Variants in POP1 observed in about 807,000 individuals in gnomAD.
POP1 encodes POP1 ribonuclease P/MRP subunit.
Under a neutral mutation model 102.2 loss-of-function variants are expected in POP1, and 75 were observed. The observed-to-expected ratio is 0.73, with a 90% CI of 0.61 to 0.89. POP1 has a LOEUF of 0.89. Among genes scored for constraint, POP1 ranks in the 40% least tolerant of loss-of-function variants. The pLI is 0.00. For synonymous variants in POP1, 436 were observed against 464.1 expected, an observed-to-expected ratio of 0.94 and a Z score of 0.78; for missense variants, 1,116 against 1,267.4, an observed-to-expected ratio of 0.88 and a Z score of 1.81.
chr8:98,137,075 CTTATTATGCTTATTATCAAAGATTTTG>C (rs1816568935), intron 9 of POP1, 121 bp downstream of exon 9: 2 of 786,514 alleles, frequency 2.5e-6, no homozygotes, highest in Non-Finnish European at 4.2e-6. Flanking sequence ...TATTTCCCTA[CTTATTATGCTTATTATCAAAGATTTTG>C]TTATCTTTCA....
intron 1 of POP1, among the ~76,000 whole-genome samples, chr8:98,119,974 A>G (rs1815965204): frequency 6.6e-6 from 1 of 152,202 alleles, no homozygotes; most frequent in Non-Finnish European, 1.5e-5. Flanking sequence ...ATTTCCTCAT[A>G]TTTTAGTCTG....
In POP1 at chr8:98,119,945, G is replaced by GAGGA. The variant is rs1456937165; in HGVS notation, c.-3+2556_-3+2559dup. The stretch of plus-strand genomic sequence containing the variant: ...CTATATTCATTCCCTTCTGCTGTTA[G>GAGGA]AGGACCACTGCCAGTTTGATTTCCT... On this transcript the variant is annotated intron_variant, in intron 1 of 15. Coordinates refer to ENST00000401707, the MANE Select transcript of POP1 (RefSeq NM_001145860.2). Among the ~76,000 whole-genome samples, 14 of 152,278 alleles carry GAGGA rather than the reference G, an allele frequency of 9.2e-5. 1 individual carries two copies. The East Asian group carries it at 2.5e-3, about 27-fold the overall frequency.
intron 5 of POP1, among the ~76,000 whole-genome samples, chr8:98,130,817 G>A (rs993894725): frequency 6.6e-6 from 1 of 152,194 alleles, no homozygotes; most frequent in African/African-American, 2.4e-5. Context: ...GTGTTTATGG[G>A]TCAGTGGGAT....
At chr8:98,119,623 G>A (rs1275230497) in intron 1 of POP1, among the ~76,000 whole-genome samples, 1 of 152,050 alleles carries the variant, frequency 6.6e-6, no homozygotes, top group Non-Finnish European at 1.5e-5. Flanking sequence ...CACCCAGGCT[G>A]GAGTGCAGTA....
intron 13 of POP1, among the ~76,000 whole-genome samples, chr8:98,149,737 C>T (rs189444195): frequency 6.6e-6 from 1 of 152,048 alleles, no homozygotes; most frequent in Non-Finnish European, 1.5e-5. Flanking sequence ...GCCTGGGCGA[C>T]AGAGCGAGAC....
chr8:98,126,663 A>G (rs1816216097), intron 2 of POP1, among the ~76,000 whole-genome samples: 5 of 152,252 alleles, frequency 3.3e-5, no homozygotes, highest in Admixed American at 2.0e-4. Flanking sequence ...ATGCCAGCCA[A>G]CCACAGATTG....
At chr8:98,131,189 A>T (rs1816370397) in intron 5 of POP1, among the ~76,000 whole-genome samples, 1 of 152,232 alleles carries the variant, frequency 6.6e-6, no homozygotes, top group Non-Finnish European at 1.5e-5. Flanking sequence ...ACGTTGTGTA[A>T]TCAGTACCAC....
intron 14 of POP1, among the ~76,000 whole-genome samples, chr8:98,151,189 G>A (rs1198830474): frequency 1.3e-5 from 2 of 152,094 alleles, no homozygotes; most frequent in East Asian, 1.9e-4. Context: ...GGGCTCAAGC[G>A]ATTCTTTCAC....
rs1809707584 is a variant in POP1 at position 98,158,160 on chromosome 8, A to G, written c.2964A>G (p.Thr988=). ...CGEALGFVSL[T]GLLDMLSSQP... is the part of the protein sequence containing the mutation. ...AAGCCCTGGGGTTTGTTAGCTTGACAGGCTTGCTGGATATGCTGTCCAGCC... is the reference window on the plus strand; with the variant it reads ...AAGCCCTGGGGTTTGTTAGCTTGACGGGCTTGCTGGATATGCTGTCCAGCC... Residue 988 remains threonine (T), a synonymous_variant, in exon 16 of 16, where the codon ACA becomes ACG. Transcript: ENST00000401707. The G allele has an allele frequency of 6.2e-7, 1 of 1,609,606 alleles. No individual in the cohort carries two copies. The highest frequency in any genetic ancestry group is 8.5e-7 in the Non-Finnish European group (1 of 1,178,452).
chr8:98,118,796 G>A (rs1201668072), intron 1 of POP1, among the ~76,000 whole-genome samples: 1 of 151,654 alleles, frequency 6.6e-6, no homozygotes, highest in Non-Finnish European at 1.5e-5. Context: ...TATTATATGA[G>A]ATCCTATTTT....
chr8:98,150,710 C>A, intron 14 of POP1, 71 bp downstream of exon 14: 1 of 1,442,908 alleles, frequency 6.9e-7, no homozygotes, highest in Non-Finnish European at 9.6e-7. Flanking sequence ...ATTGGTATCC[C>A]AAACATTAGG....
chr8:98,153,543 T>TTTTTTTTG (rs1809574358), intron 14 of POP1, among the ~76,000 whole-genome samples: 1 of 136,158 alleles, frequency 7.3e-6, no homozygotes, highest in Non-Finnish European at 1.6e-5. Flanking sequence ...CTTTTTTTTT[T>TTTTTTTTG]TTTTTTTTTT....
chr8:98,158,062 A>C lies in POP1; in HGVS notation c.2866A>C (p.Thr956Pro). The C allele has an allele frequency of 6.2e-7, 1 of 1,609,586 alleles. No homozygotes were observed. The highest frequency in any genetic ancestry group is 1.1e-5 in the South Asian group (1 of 91,076). ...GLWSGPLPRV[T>P]LHCSRTLLGF... is the part of the protein sequence containing the mutation. ...GTGGTCAGGCCCTCTGCCGCGTGTGACGTTGCACTGCTCCAGAACTCTCCT... is the reference window on the plus strand; with the variant it reads ...GTGGTCAGGCCCTCTGCCGCGTGTGCCGTTGCACTGCTCCAGAACTCTCCT... The change falls in exon 16 of 16, where the codon ACG becomes CCG. Residue 956 changes from threonine to proline, a missense_variant. Coordinates refer to ENST00000401707, the MANE Select transcript of POP1 (RefSeq NM_001145860.2).
At position 98,140,955 on chromosome 8, in the gene POP1, A is replaced by G. The variant is rs79285052; in HGVS notation, c.1594+67A>G. 660 of 1,577,732 alleles carry G rather than the reference A, an allele frequency of 4.2e-4. 1 individual carries two copies. The African/African-American group carries it at 8.0e-3, about 19-fold the overall frequency. On this transcript the variant is annotated intron_variant, in intron 11 of 15. Coordinates refer to ENST00000401707, the MANE Select transcript of POP1 (RefSeq NM_001145860.2). The stretch of plus-strand genomic sequence containing the variant: ...AGCAGTCCAGTCTTATTAGAAGAAG[A>G]GTTCTTTCTCTGACACCTCTCCAGT...
intron 14 of POP1, among the ~76,000 whole-genome samples, chr8:98,153,021 G>A (rs1809557172): frequency 1.3e-5 from 2 of 152,138 alleles, no homozygotes; most frequent in Non-Finnish European, 2.9e-5. Context: ...CCAGGCTGGA[G>A]TGCAGTGGTG....
chr8:98,123,501 A>C, intron 2 of POP1, 22 bp downstream of exon 2: 1 of 1,610,218 alleles, frequency 6.2e-7, no homozygotes, highest in Middle Eastern at 1.7e-4. Flanking sequence ...ATAAGAGACC[A>C]GGCATGGTGG....
intron 14 of POP1, chr8:98,155,819 C>T: frequency 2.1e-6 from 1 of 468,654 alleles, no homozygotes; most frequent in Non-Finnish European, 3.9e-6. Context: ...CAGGTGATCG[C>T]CTGCCTTGGC....
chr8:98,144,423 A>G (rs1816790862), intron 11 of POP1, among the ~76,000 whole-genome samples: 1 of 151,906 alleles, frequency 6.6e-6, no homozygotes, highest in Admixed American at 6.6e-5. Flanking sequence ...TTACAGGCAC[A>G]TACCACTATG....
chr8:98,150,427 A>G lies in POP1; in HGVS notation c.1903-58A>G. ...TGTTTCCATTTTCCCCCATATAAACATTAAGCAATTCACTTTAAGTTGGTA... is the reference window on the plus strand; with the variant it reads ...TGTTTCCATTTTCCCCCATATAAACGTTAAGCAATTCACTTTAAGTTGGTA... On this transcript the variant is annotated intron_variant, in intron 13 of 15. Transcript: ENST00000401707. The G allele has an allele frequency of 6.3e-6, 10 of 1,594,262 alleles. No homozygotes were observed. In the South Asian group the frequency reaches 1.1e-4, roughly 18 times the overall value.
Sources: allele counts gnomAD v4.1 joint callset (sites outside exome capture counted in the v4.1 genomes callset), GRCh38; gene constraint gnomAD v4.1.1; transcripts MANE v1.5; gene names NCBI Gene and HGNC (gene_info 2026-07-23, HGNC 2026-07-21).